Variants in AGTPBP1 observed in about 807,000 individuals in gnomAD.
The protein encoded by AGTPBP1 is ATP/GTP binding carboxypeptidase 1.
AGTPBP1 carries 70 observed loss-of-function variants against 143.9 expected under a neutral mutation model. That is an observed-to-expected ratio of 0.49 (90% confidence interval 0.40 to 0.59). AGTPBP1 has a LOEUF of 0.59. Ranked by LOEUF, AGTPBP1 falls within the 20% of genes least tolerant of loss-of-function variation. The pLI, the probability that AGTPBP1 is intolerant of heterozygous loss-of-function variation, is 0.00. For synonymous variants in AGTPBP1, 463 were observed against 500.2 expected (o/e 0.93, Z 0.99); for missense variants, 1,229 against 1,464.5 (o/e 0.84, Z 2.62).
At position 85,588,962 on chromosome 9, in the gene AGTPBP1, T is replaced by C. The variant is rs952575257; in HGVS notation, c.2723-484A>G. Among the ~76,000 whole-genome samples, 8 of 152,256 alleles carry C rather than the reference T, an allele frequency of 5.3e-5. No homozygotes were observed. In the East Asian group the frequency reaches 7.7e-4, roughly 15 times the overall value. On this transcript the variant is annotated intron_variant, in intron 20 of 25. Transcript: ENST00000357081. ...CAAAATTTCACTATACATTTAGATATACAAGTCTACAAAATAATCATTCAG... is the reference window on the plus strand; with the variant it reads ...CAAAATTTCACTATACATTTAGATACACAAGTCTACAAAATAATCATTCAG...
intron 8 of AGTPBP1, among the ~76,000 whole-genome samples, chr9:85,662,473 G>T: frequency 6.6e-6 from 1 of 152,060 alleles, no homozygotes; most frequent in East Asian, 1.9e-4. Flanking sequence ...GCAATAAAAT[G>T]TACAGGAGAA....
intron 17 of AGTPBP1, among the ~76,000 whole-genome samples, chr9:85,613,529 T>C (rs1367718159): frequency 6.6e-6 from 1 of 151,914 alleles, no homozygotes; most frequent in Non-Finnish European, 1.5e-5. Flanking sequence ...CATAAAAATA[T>C]ATAATACAAA....
intron 23 of AGTPBP1, among the ~76,000 whole-genome samples, chr9:85,584,110 T>C (rs773588840): frequency 6.6e-6 from 1 of 152,156 alleles, no homozygotes; most frequent in African/African-American, 2.4e-5. Context: ...TCCCATTCTC[T>C]GGGCCTCTCA....
Position 85,672,717 on chromosome 9 carries a change from C to T in AGTPBP1, c.437-36G>A, listed in dbSNP as rs777017963. 5.1e-6 allele frequency: 7 copies of T among 1,376,260 alleles called. No individual in the cohort carries two copies. In the African/African-American group the frequency reaches 6.0e-5, roughly 12 times the overall value. 85.3% of individuals were successfully genotyped at this position (1,376,260 alleles called of 1,614,324 possible). A position where few individuals can be genotyped will look rare whatever the true frequency, so the allele number is the denominator to read the frequency against. On this transcript the variant is annotated intron_variant, in intron 6 of 25. Coordinates refer to ENST00000357081, the MANE Select transcript of AGTPBP1 (RefSeq NM_001330701.2). ...AAAAAAAAGACAATTTATGCACATACAACTTTTCTTTTTAATTTTTTTTTT... is the reference window on the plus strand; with the variant it reads ...AAAAAAAAGACAATTTATGCACATATAACTTTTCTTTTTAATTTTTTTTTT...
chr9:85,635,560 G>T (rs1343393978), intron 13 of AGTPBP1, among the ~76,000 whole-genome samples: 1 of 152,102 alleles, frequency 6.6e-6, no homozygotes, highest in African/African-American at 2.4e-5. Context: ...TTTTAAGTTT[G>T]TCATTAAGTG....
At chr9:85,741,482 C>G in intron 1 of AGTPBP1, 2 of 985,396 alleles carry the variant, frequency 2.0e-6, no homozygotes, top group Non-Finnish European at 2.4e-6. Context: ...AGAGACCGCG[C>G]CCGATACCCT....
chr9:85,643,583 G>C (rs969395771), intron 12 of AGTPBP1, among the ~76,000 whole-genome samples: 4 of 152,102 alleles, frequency 2.6e-5, no homozygotes, highest in African/African-American at 4.8e-5. Flanking sequence ...GAAAAACTCA[G>C]TGTCACCATT....
chr9:85,692,876 C>T (rs1054193460), intron 2 of AGTPBP1, 63 bp from the exon 3 acceptor site: 56 of 1,547,332 alleles, frequency 3.6e-5, no homozygotes, highest in South Asian at 1.5e-4. Context: ...AATACTATAA[C>T]GATCACTGTT....
chr9:85,621,429 CA>C (rs1201971821), intron 14 of AGTPBP1, 144 bp from the exon 15 acceptor site: 2 of 344,274 alleles, frequency 5.8e-6, no homozygotes, highest in Non-Finnish European at 1.0e-5. Context: ...ATTTTGCATA[CA>C]AAAAAACTAG....
intron 14 of AGTPBP1, among the ~76,000 whole-genome samples, chr9:85,628,769 G>A (rs1367868302): frequency 2.6e-5 from 4 of 152,008 alleles, no homozygotes; most frequent in Non-Finnish European, 5.9e-5. Context: ...GCTGGAGTGC[G>A]GTGGCACGAT....
chr9:85,689,925 A>AAAATATATATATATATAT (rs58719163), intron 3 of AGTPBP1, among the ~76,000 whole-genome samples: 1 of 72,496 alleles, frequency 1.4e-5, no homozygotes, highest in African/African-American at 6.9e-5. Context: ...AAAAAAAAAA[A>AAAATATATATATATATAT]ATATATATAT....
intron 17 of AGTPBP1, among the ~76,000 whole-genome samples, chr9:85,613,449 A>G (rs1587737932): frequency 6.6e-6 from 1 of 152,186 alleles, no homozygotes; most frequent in East Asian, 1.9e-4. Context: ...CCAGAGAATA[A>G]GCAAATATAC....
At chr9:85,557,421 G>A (rs912369085) in intron 25 of AGTPBP1, among the ~76,000 whole-genome samples, 1 of 152,042 alleles carries the variant, frequency 6.6e-6, no homozygotes, top group Non-Finnish European at 1.5e-5. Flanking sequence ...AAGCAACTAC[G>A]ATTTCCAAAG....
intron 17 of AGTPBP1, among the ~76,000 whole-genome samples, chr9:85,602,628 G>A (rs1003878055): frequency 1.3e-5 from 2 of 152,132 alleles, no homozygotes; most frequent in Non-Finnish European, 2.9e-5. Flanking sequence ...CCAAATAGAA[G>A]CCTCCAGTGA....
intron 25 of AGTPBP1, among the ~76,000 whole-genome samples, chr9:85,557,390 AAAT>A (rs1826417269): frequency 6.6e-6 from 1 of 152,204 alleles, no homozygotes. Flanking sequence ...GCACAAATAC[AAAT>A]GGAGCACTTT....
intron 17 of AGTPBP1, among the ~76,000 whole-genome samples, chr9:85,615,023 A>C (rs1228421400): frequency 6.6e-6 from 1 of 152,158 alleles, no homozygotes; most frequent in Non-Finnish European, 1.5e-5. Context: ...GCAGTTGTAA[A>C]TGTGAAATGT....
chr9:85,757,005 G>A, the AGTPBP1 span, among the ~76,000 whole-genome samples: 108 of 149,812 alleles, frequency 7.2e-4, no homozygotes, highest in African/African-American at 2.6e-3. Context: ...TCTTTTTTTT[G>A]GGGGGGTGAA....
intron 25 of AGTPBP1, among the ~76,000 whole-genome samples, chr9:85,556,258 A>G (rs1362888734): frequency 6.6e-6 from 1 of 152,220 alleles, no homozygotes; most frequent in Non-Finnish European, 1.5e-5. Context: ...TTGTCTGTGA[A>G]GAGGCAAGAA....
chr9:85,607,925 C>G (rs1830084348), intron 17 of AGTPBP1, among the ~76,000 whole-genome samples: 1 of 152,080 alleles, frequency 6.6e-6, no homozygotes, highest in Non-Finnish European at 1.5e-5. Context: ...ATGCTTCTAA[C>G]ACGTCTAGTA....
Sources: allele counts gnomAD v4.1 joint callset (sites outside exome capture counted in the v4.1 genomes callset), GRCh38; gene constraint gnomAD v4.1.1; transcripts MANE v1.5; gene names NCBI Gene and HGNC (gene_info 2026-07-23, HGNC 2026-07-21).